Variants in TLK2 observed in about 807,000 individuals in gnomAD.
TLK2 encodes serine/threonine-protein kinase tousled-like 2.
In TLK2, 6 loss-of-function variants were observed where a neutral mutation model predicts 117.3. The observed-to-expected ratio is 0.05, with a 90% CI of 0.03 to 0.10. The LOEUF is 0.10. Ranked by LOEUF, TLK2 falls within the 10% of genes least tolerant of loss-of-function variation. TLK2 has a pLI of 1.00. For missense variants in TLK2, 299 were observed against 901.2 expected (o/e 0.33, Z 8.56); for synonymous variants, 257 against 316.7 (o/e 0.81, Z 2.00).
At chr17:62,579,469 C>T (rs542123428) in intron 14 of TLK2, among the ~76,000 whole-genome samples, 53 of 152,230 alleles carry the variant, frequency 3.5e-4, no homozygotes, top group African/African-American at 1.2e-3. Flanking sequence ...TCTTAAAATC[C>T]ATGTAAAGTA....
intron 9 of TLK2, among the ~76,000 whole-genome samples, chr17:62,555,483 A>ATTT (rs35222378): frequency 7.1e-6 from 1 of 140,616 alleles, no homozygotes; most frequent in Non-Finnish European, 1.6e-5. Context: ...ATTATTATTA[A>ATTT]TTTTTTTTTT....
chr17:62,543,596 G>C (rs1304601355), intron 7 of TLK2, among the ~76,000 whole-genome samples: 1 of 152,130 alleles, frequency 6.6e-6, no homozygotes, highest in African/African-American at 2.4e-5. Context: ...TGGTGATGTT[G>C]AGCATTTTTT....
At chr17:62,486,437 G>A (rs1234202800) in intron 2 of TLK2, among the ~76,000 whole-genome samples, 6 of 152,148 alleles carry the variant, frequency 3.9e-5, no homozygotes, top group Non-Finnish European at 8.8e-5. Flanking sequence ...TGTGATGACA[G>A]GCGTGAGCCA....
intron 2 of TLK2, among the ~76,000 whole-genome samples, chr17:62,493,464 T>C (rs1598184382): frequency 6.6e-6 from 1 of 152,250 alleles, no homozygotes. Context: ...AAAGTGGCTG[T>C]AGTCTTGCAG....
At position 62,553,676 on chromosome 17, in the gene TLK2, T is replaced by C. The variant is rs1449678937; in HGVS notation, c.641T>C (p.Ile214Thr). Residue 214 changes from isoleucine (I) to threonine (T), a missense_variant, in exon 9 of 22, where the codon ATA (isoleucine) becomes ACA (threonine). Physicochemically the swap from Ile to Thr is moderately conservative, Grantham distance 89. Transcript: ENST00000346027. Reference sequence around the variant, plus strand: ...TTGTCTCTGTAGTCCGACCTCACAATAGAAAAAATATCTGCACTAGAAAAC... The same window carrying C: ...TTGTCTCTGTAGTCCGACCTCACAACAGAAAAAATATCTGCACTAGAAAAC... ...QHRQTQSDLTIEKISALENSK... is the reference protein window; with the variant it reads ...QHRQTQSDLTTEKISALENSK... 1 of 1,611,242 alleles carries C rather than the reference T, an allele frequency of 6.2e-7. No individual in the cohort carries two copies. Among genetic ancestry groups the C allele is most frequent in the Non-Finnish European group, 8.5e-7 (1 of 1,177,864 alleles).
intron 7 of TLK2, among the ~76,000 whole-genome samples, chr17:62,548,895 C>T (rs1215773680): frequency 1.3e-5 from 2 of 150,190 alleles, no homozygotes; most frequent in Non-Finnish European, 3.0e-5. Context: ...CGCCCCCACG[C>T]CCAGATTATT....
chr17:62,566,032 A>G (rs961992529), intron 11 of TLK2, among the ~76,000 whole-genome samples: 4 of 152,200 alleles, frequency 2.6e-5, no homozygotes, highest in African/African-American at 7.2e-5. Context: ...TGTCTTTGTC[A>G]TAACTTTTGA....
At chr17:62,537,243 G>A (rs1044077434) in intron 7 of TLK2, among the ~76,000 whole-genome samples, 1 of 152,130 alleles carries the variant, frequency 6.6e-6, no homozygotes, top group Non-Finnish European at 1.5e-5. Context: ...TGAAAATGGT[G>A]GTTGTCTTAA....
intron 6 of TLK2, among the ~76,000 whole-genome samples, chr17:62,525,368 CACTTATGAAAACATAAGTTAA>C (rs2076300120): frequency 1.3e-5 from 2 of 152,056 alleles, no homozygotes; most frequent in South Asian, 4.1e-4. Flanking sequence ...ATTATTAAAG[CACTTATGAAAACATAAGTTAA>C]ACTTATGAAA....
At chr17:62,611,837 TTTTTGGGTCTACAGTATTA>T (rs1364854540) in intron 21 of TLK2, 1 of 152,264 alleles carries the variant, frequency 6.6e-6, no homozygotes, top group Non-Finnish European at 1.5e-5. Flanking sequence ...ACTCACTGCA[TTTTTGGGTCTACAGTATTA>T]TTGCAGATGC....
chr17:62,546,559 T>C (rs559936069), intron 7 of TLK2, among the ~76,000 whole-genome samples: 446 of 136,606 alleles, frequency 3.3e-3, no homozygotes, highest in African/African-American at 0.011. Context: ...TTTTTCTTTC[T>C]TTTTTTTTTT....
chr17:62,544,854 G>A (rs577231233), intron 7 of TLK2, among the ~76,000 whole-genome samples: 1 of 152,202 alleles, frequency 6.6e-6, no homozygotes, highest in Admixed American at 6.5e-5. Context: ...TATCTATTTA[G>A]GACCCTTTGA....
At chr17:62,549,398 CAAAAAAAAAAAAAAAAAAAAAAAA>C (rs777779302) in intron 7 of TLK2, among the ~76,000 whole-genome samples, 51 of 37,100 alleles carry the variant, frequency 1.4e-3, no homozygotes, top group Admixed American at 4.4e-3. Flanking sequence ...GACTCCATCT[CAAAAAAAAAAAAAAAAAAAAAAAA>C]AAAAAAAAAA....
chr17:62,516,509 G>T, intron 2 of TLK2: 1 of 1,607,792 alleles, frequency 6.2e-7, no homozygotes, highest in Non-Finnish European at 8.5e-7. Context: ...ACAATCTCCG[G>T]GGGCAGATGA....
chr17:62,571,782 C>G (rs541366292), intron 11 of TLK2, among the ~76,000 whole-genome samples: 1 of 152,204 alleles, frequency 6.6e-6, no homozygotes, highest in African/African-American at 2.4e-5. Flanking sequence ...TGTCGTTCTT[C>G]CACGAAAGAT....
At chr17:62,584,233 C>A (rs2081440806) in intron 15 of TLK2, among the ~76,000 whole-genome samples, 1 of 150,076 alleles carries the variant, frequency 6.7e-6, no homozygotes, top group Non-Finnish European at 1.5e-5. Context: ...TCTCCTGCCT[C>A]AGCTTCCCAA....
At chr17:62,563,660 C>T (rs1470154152) in intron 10 of TLK2, among the ~76,000 whole-genome samples, 3 of 152,110 alleles carry the variant, frequency 2.0e-5, no homozygotes, top group Non-Finnish European at 4.4e-5. Context: ...TTCTTTACCG[C>T]GTCTGTACTT....
At chr17:62,606,089 T>C (rs1057110397) in intron 19 of TLK2, 41 bp from the exon 20 acceptor site, 6 of 923,398 alleles carry the variant, frequency 6.5e-6, no homozygotes, top group Non-Finnish European at 9.8e-6. Flanking sequence ...TAAACTTATA[T>C]GATCATTATT....
intron 21 of TLK2, 67 bp from the exon 22 acceptor site, chr17:62,612,325 G>A: frequency 6.5e-7 from 1 of 1,543,080 alleles, no homozygotes; most frequent in Non-Finnish European, 8.8e-7. Flanking sequence ...CCGATAGAGA[G>A]CCTTAGGGTT....
Sources: allele counts gnomAD v4.1 joint callset (sites outside exome capture counted in the v4.1 genomes callset), GRCh38; gene constraint gnomAD v4.1.1; transcripts MANE v1.5; gene names NCBI Gene and HGNC (gene_info 2026-07-23, HGNC 2026-07-21).